Variants in CD9 observed in about 807,000 individuals in gnomAD.
The protein encoded by CD9 is CD9 antigen.
Under a neutral mutation model 31.4 loss-of-function variants are expected in CD9, and 10 were observed. The ratio of observed to expected loss-of-function variants is 0.32; its 90% CI spans 0.20 to 0.54. CD9 has a LOEUF of 0.54. Among genes scored for constraint, CD9 ranks in the 20% least tolerant of loss-of-function variants. The probability of loss-of-function intolerance (pLI) is 0.94; values close to 1 mark genes in which losing one functional copy is unlikely to be tolerated. For synonymous variants in CD9, 113 were observed against 114.1 expected (o/e 0.99, Z 0.06); for missense variants, 259 against 300.1 (o/e 0.86, Z 1.01).
At chr12:6,223,876 C>G (rs1451898785) in intron 1 of CD9, among the ~76,000 whole-genome samples, 1 of 152,196 alleles carries the variant, frequency 6.6e-6, no homozygotes, top group Non-Finnish European at 1.5e-5. Flanking sequence ...GAGACCCTCC[C>G]TCACTGGCCT....
intron 1 of CD9, among the ~76,000 whole-genome samples, chr12:6,211,621 T>C (rs1591965183): frequency 6.6e-6 from 1 of 152,060 alleles, no homozygotes; most frequent in Non-Finnish European, 1.5e-5. Context: ...TCAGCAAGAG[T>C]GTGTGCAGTC....
At chr12:6,227,782 A>C (rs1008608103) in intron 2 of CD9, among the ~76,000 whole-genome samples, 4 of 152,174 alleles carry the variant, frequency 2.6e-5, no homozygotes, top group Non-Finnish European at 1.5e-5. Context: ...GTACTGGCTG[A>C]ATGTGCCCCA....
At position 6,232,984 on chromosome 12, in the gene CD9, CT is replaced by C. The variant is rs113515684; in HGVS notation, c.273+262del. 1 of 702,380 alleles carries C rather than the reference CT, an allele frequency of 1.4e-6. No individual in the cohort carries two copies. Among genetic ancestry groups the C allele is most frequent in the East Asian group, 2.7e-5 (1 of 37,292 alleles). 43.5% of individuals were successfully genotyped at this position (702,380 alleles called of 1,614,324 possible). ...CCCCTTTTCTCGAGGACCACGTTTG[CT>C]TTTTTTCCCTGAATCCACAGGTACC... On this transcript the variant is annotated intron_variant, in intron 3 of 7. Coordinates refer to ENST00000009180, the MANE Select transcript of CD9 (RefSeq NM_001769.4). This position sits in a 1 kb window ranked among gnomAD's most constrained non-coding sequence, Gnocchi z 4.8.
intron 1 of CD9, chr12:6,225,112 T>C: frequency 9.6e-6 from 3 of 312,030 alleles, no homozygotes; most frequent in Non-Finnish European, 1.8e-5. Context: ...TTTAGCATTG[T>C]GAGATGCACT....
intron 1 of CD9, among the ~76,000 whole-genome samples, chr12:6,213,810 AG>A (rs1197424436): frequency 6.6e-6 from 1 of 152,168 alleles, no homozygotes; most frequent in African/African-American, 2.4e-5. Context: ...AACAAACCCA[AG>A]GGAGAAGCTA....
intron 1 of CD9, among the ~76,000 whole-genome samples, chr12:6,223,518 T>C (rs1413735220): frequency 6.6e-6 from 1 of 152,078 alleles, no homozygotes. Flanking sequence ...GCCTCAGCCT[T>C]CCAAAGAGCT....
chr12:6,235,173 C>T lies in CD9; in HGVS notation c.349-56C>T, dbSNP rs568686109. On this transcript the variant is annotated intron_variant, in intron 4 of 7. Transcript: ENST00000009180. ...CAAGATGGAACGCATAACATTTGTT[C>T]GTGGAGGAAGATGTGAAAATGCCGT... is the stretch of plus-strand genomic sequence containing the variant. 6.5e-6 allele frequency: 8 copies of T among 1,231,328 alleles called. No individual in the cohort carries two copies. In the African/African-American group the frequency reaches 7.4e-5, roughly 11 times the overall value. The allele number at this position is 1,231,328 out of a possible 1,614,324, so 76.3% of individuals were successfully genotyped here. A position where few individuals can be genotyped will look rare whatever the true frequency, so the allele number is the denominator to read the frequency against.
At chr12:6,233,530 A>G (rs754352048) in intron 4 of CD9, 44 bp downstream of exon 4, 10 of 1,460,044 alleles carry the variant, frequency 6.8e-6, no homozygotes, top group Non-Finnish European at 9.6e-6. Flanking sequence ...GAGTTGGGGG[A>G]TGGGGGACAG....
At chr12:6,203,701 C>T (rs1236766310) in intron 1 of CD9, among the ~76,000 whole-genome samples, 1 of 152,082 alleles carries the variant, frequency 6.6e-6, no homozygotes, top group African/African-American at 2.4e-5. Context: ...CGCCTGCCCA[C>T]CCCCCAAAAA....
At chr12:6,202,073 CT>C (rs1457789815) in intron 1 of CD9, among the ~76,000 whole-genome samples, 1 of 152,134 alleles carries the variant, frequency 6.6e-6, no homozygotes, top group Admixed American at 6.5e-5. Context: ...CTTATTCCCC[CT>C]GGAGCTGGTC....
intron 3 of CD9, chr12:6,233,175 A>C: frequency 1.5e-6 from 1 of 651,140 alleles, no homozygotes. Flanking sequence ...TTCTGGGCTC[A>C]GCTGTGCTCA....
At chr12:6,236,427 GAGACA>G in intron 7 of CD9, 152 bp downstream of exon 7, 1 of 667,134 alleles carries the variant, frequency 1.5e-6, no homozygotes, top group Non-Finnish European at 2.6e-6. Flanking sequence ...AGGGAATGGA[GAGACA>G]GAGAGGCCGA....
At chr12:6,233,570 C>G (rs1224229279) in intron 4 of CD9, 84 bp downstream of exon 4, 1 of 1,018,612 alleles carries the variant, frequency 9.8e-7, no homozygotes, top group African/African-American at 1.6e-5. Context: ...TGGCTGGGCA[C>G]TTTGTTCAGC....
rs749044532 is a variant in CD9, at chr12:6,200,463, C to A, written c.-37C>A. 7.3e-6 allele frequency: 11 copies of A among 1,513,702 alleles called. No homozygotes were observed. The African/African-American group carries it at 1.4e-4, about 19-fold the overall frequency. 93.8% of individuals were successfully genotyped at this position (1,513,702 alleles called of 1,614,324 possible). ...TCCCAGCTGCGCGCGCCCCCCAGTC[C>A]CGCACCCGTTCGGCCCAGGCTAAGT... On this transcript the variant is annotated 5_prime_UTR_variant, in exon 1 of 8. Coordinates refer to ENST00000009180, the MANE Select transcript of CD9 (RefSeq NM_001769.4).
In CD9 at chr12:6,215,709, A is replaced by G. The variant is rs78626249; in HGVS notation, c.67-9717A>G. Among the ~76,000 whole-genome samples, 320 of 152,242 alleles carry G rather than the reference A, an allele frequency of 2.1e-3. 8 individuals are homozygous for G. In the East Asian group the frequency reaches 0.032, roughly 15 times the overall value. On this transcript the variant is annotated intron_variant, in intron 1 of 7. Coordinates refer to ENST00000009180, the MANE Select transcript of CD9 (RefSeq NM_001769.4). The stretch of plus-strand genomic sequence containing the variant: ...CCAACCAGTCATACCTACAAAAGGG[A>G]GTTCTGGTTCTCTAGGGCTGTGATC...
chr12:6,234,677 TATG>T (rs1320808577), intron 4 of CD9, among the ~76,000 whole-genome samples: 3 of 152,364 alleles, frequency 2.0e-5, no homozygotes, highest in Admixed American at 6.5e-5. Context: ...TCCCCTATAT[TATG>T]ATACAATAGC....
At chr12:6,218,996 G>T (rs1946267522) in intron 1 of CD9, among the ~76,000 whole-genome samples, 1 of 152,014 alleles carries the variant, frequency 6.6e-6, no homozygotes, top group African/African-American at 2.4e-5. Flanking sequence ...GCAATGCATG[G>T]GTTGTTTTTT....
At chr12:6,215,102 A>C (rs1946231500) in intron 1 of CD9, among the ~76,000 whole-genome samples, 1 of 152,104 alleles carries the variant, frequency 6.6e-6, no homozygotes. Context: ...TGGTCAAAGC[A>C]TTTGAGCCCC....
chr12:6,223,005 A>G (rs1946311439), intron 1 of CD9, among the ~76,000 whole-genome samples: 1 of 152,254 alleles, frequency 6.6e-6, no homozygotes, highest in African/African-American at 2.4e-5. Flanking sequence ...ACAAGCCTAG[A>G]GCAAAAAGGA....
Sources: allele counts gnomAD v4.1 joint callset (sites outside exome capture counted in the v4.1 genomes callset), GRCh38; gene constraint gnomAD v4.1.1; non-coding constraint Gnocchi (gnomAD v3.1); transcripts MANE v1.5; gene names NCBI Gene and HGNC (gene_info 2026-07-23, HGNC 2026-07-21).